CAMSAP2: variants seen among roughly 807,000 people sequenced by gnomAD.
CAMSAP2 encodes the protein calmodulin-regulated spectrin-associated protein 2.
CAMSAP2 carries 26 observed loss-of-function variants against 146.1 expected under a neutral mutation model. The observed-to-expected ratio is 0.18, with a 90% CI of 0.13 to 0.25. The LOEUF is 0.25. CAMSAP2 is among the 10% of genes least tolerant of loss of function. The pLI is 1.00. For missense variants in CAMSAP2, 1,381 were observed against 1,759.3 expected (o/e 0.78, Z 3.85); for synonymous variants, 499 against 596.6 (o/e 0.84, Z 2.38).
chr1:200,817,309 T>C (rs1210040312), intron 4 of CAMSAP2, among the ~76,000 whole-genome samples: 1 of 147,308 alleles, frequency 6.8e-6, no homozygotes, highest in African/African-American at 2.5e-5. Context: ...ATGTACAGTA[T>C]GGTTGTTCTG....
Position 200,832,403 on chromosome 1 carries a change from T to C in CAMSAP2, c.787+62T>C. Reference sequence around the variant, plus strand: ...AGATAGTAACCAATATTTAAGACAGTATTATTTTGCACTCCAGCCTAGGTG... The same window carrying C: ...AGATAGTAACCAATATTTAAGACAGCATTATTTTGCACTCCAGCCTAGGTG... On this transcript the variant is annotated intron_variant, in intron 5 of 16. Coordinates refer to ENST00000358823, the MANE Select transcript of CAMSAP2 (RefSeq NM_203459.4). This position sits in a 1 kb window ranked among gnomAD's most constrained non-coding sequence, Gnocchi z 4.2. 1 of 1,485,842 alleles carries C rather than the reference T, an allele frequency of 6.7e-7. No homozygotes were observed. Among genetic ancestry groups the C allele is most frequent in the Admixed American group, 2.2e-5 (1 of 44,624 alleles). The allele number at this position is 1,485,842 out of a possible 1,614,324, so 92.0% of individuals were successfully genotyped here.
At chr1:200,807,902 G>A (rs1017827474) in intron 3 of CAMSAP2, among the ~76,000 whole-genome samples, 4 of 151,810 alleles carry the variant, frequency 2.6e-5, no homozygotes, top group African/African-American at 7.3e-5. Flanking sequence ...CACCACACCC[G>A]GCTAATTTTT....
At chr1:200,747,281 A>G (rs989493422) in intron 1 of CAMSAP2, among the ~76,000 whole-genome samples, 4 of 152,218 alleles carry the variant, frequency 2.6e-5, no homozygotes, top group African/African-American at 9.6e-5. Flanking sequence ...GGCATAGGGT[A>G]ATTAGAAAGA....
At chr1:200,804,020 G>A (rs544121121) in intron 2 of CAMSAP2, among the ~76,000 whole-genome samples, 8 of 151,748 alleles carry the variant, frequency 5.3e-5, no homozygotes, top group African/African-American at 7.3e-5. Flanking sequence ...TCCACCTCCC[G>A]GGTTCATGCC....
chr1:200,806,128 T>C (rs1666164035), intron 2 of CAMSAP2, among the ~76,000 whole-genome samples: 1 of 152,322 alleles, frequency 6.6e-6, no homozygotes, highest in East Asian at 1.9e-4. Context: ...TTTAAAACTC[T>C]GCAACAAAAG....
rs1667068633 is a variant in CAMSAP2 at position 200,832,461 on chromosome 1, A to G, written c.787+120A>G. On this transcript the variant is annotated intron_variant, in intron 5 of 16. Transcript: ENST00000358823. The surrounding 1 kb of genome is among the most constrained non-coding windows in gnomAD (Gnocchi z 4.2). ...GGGACCCTGTCTCAAAAAAAAGACA[A>G]TATTATTTAATAAGTACTGAAGACT... 8 of 955,734 alleles carry G rather than the reference A, an allele frequency of 8.4e-6. No individual in the cohort carries two copies. The highest frequency in any genetic ancestry group is 1.2e-5 in the Non-Finnish European group (8 of 674,170). 59.2% of individuals were successfully genotyped at this position (955,734 alleles called of 1,614,324 possible). A position where few individuals can be genotyped will look rare whatever the true frequency, so the allele number is the denominator to read the frequency against.
In CAMSAP2 at chr1:200,816,750, G is replaced by A. The variant is rs112868717; in HGVS notation, c.645+1106G>A. ...TATATGTGTGTACACACACACGCGT[G>A]TATATATGTGTGTACACACACACGC... is the stretch of plus-strand genomic sequence containing the variant. On this transcript the variant is annotated intron_variant, in intron 4 of 16. Transcript: ENST00000358823. 6.0e-5 allele frequency among the ~76,000 whole-genome samples: 7 copies of A among 117,294 alleles called. 1 individual carries two copies. Among genetic ancestry groups the A allele is most frequent in the African/African-American group, 2.0e-4 (6 of 30,396 alleles). 76.9% of individuals were successfully genotyped at this position (117,294 alleles called of 152,430 possible). A position where few individuals can be genotyped will look rare whatever the true frequency, so the allele number is the denominator to read the frequency against.
Position 200,832,942 on chromosome 1 carries a change from TC to T in CAMSAP2, c.927+100del. The T allele has an allele frequency of 1.8e-6, 2 of 1,084,198 alleles. No homozygotes were observed. The highest frequency in any genetic ancestry group is 2.5e-6 in the Non-Finnish European group (2 of 793,582). 67.2% of individuals were successfully genotyped at this position (1,084,198 alleles called of 1,614,324 possible). A position where few individuals can be genotyped will look rare whatever the true frequency, so the allele number is the denominator to read the frequency against. Reference sequence around the variant, plus strand: ...CGGGAACAGTGGCTCATGCCTGTAATCCCAGTACTTTGGGAGGACAAGGTGG... The same window carrying T: ...CGGGAACAGTGGCTCATGCCTGTAATCCAGTACTTTGGGAGGACAAGGTGG... On this transcript the variant is annotated intron_variant, in intron 6 of 16. Coordinates refer to ENST00000358823, the MANE Select transcript of CAMSAP2 (RefSeq NM_203459.4). The surrounding 1 kb of genome is among the most constrained non-coding windows in gnomAD (Gnocchi z 4.2).
chr1:200,787,016 GAA>G (rs201620125), intron 2 of CAMSAP2, among the ~76,000 whole-genome samples: 3 of 133,910 alleles, frequency 2.2e-5, no homozygotes, highest in South Asian at 2.4e-4. Context: ...GACCTGCTCA[GAA>G]AAAAAAAAAA....
chr1:200,840,143 T>A (rs1292158609), intron 6 of CAMSAP2, among the ~76,000 whole-genome samples: 1 of 152,184 alleles, frequency 6.6e-6, no homozygotes, highest in Non-Finnish European at 1.5e-5. Context: ...ACAGGTCCAC[T>A]TAAATGTCCA....
rs144643340 is a variant in CAMSAP2 at position 200,830,674 on chromosome 1, T to A, written c.646-1526T>A. ...TCCCCATGGTTGATTTTAAGCTGTT[T>A]CTTAGCTGCAAAGTGAGGAATTTTC... On this transcript the variant is annotated intron_variant, in intron 4 of 16. Transcript: ENST00000358823. Among the ~76,000 whole-genome samples the A allele has an allele frequency of 1.2e-4, 18 of 152,372 alleles. No individual in the cohort carries two copies. The East Asian group carries it at 3.5e-3, about 29-fold the overall frequency.
At chr1:200,778,535 G>A (rs1665345167) in intron 2 of CAMSAP2, among the ~76,000 whole-genome samples, 1 of 151,984 alleles carries the variant, frequency 6.6e-6, no homozygotes, top group South Asian at 2.1e-4. Context: ...TTGACTTTTT[G>A]TTTCAGTTAA....
chr1:200,853,258 A>T lies in CAMSAP2; in HGVS notation c.3603-17A>T. The T allele has an allele frequency of 6.2e-7, 1 of 1,607,136 alleles. No individual in the cohort carries two copies. Among genetic ancestry groups the T allele is most frequent in the Non-Finnish European group, 8.5e-7 (1 of 1,175,382 alleles). ...TTTGGTATGCAGAATAAGAACTGTA[A>T]CCATTTGATTTCTTAGGCGTAAAAC... On this transcript the variant is annotated splice_polypyrimidine_tract_variant and intron_variant, in intron 12 of 16. Transcript: ENST00000358823. The surrounding 1 kb of genome is among the most constrained non-coding windows in gnomAD (Gnocchi z 5.1).
chr1:200,842,510 A>G lies in CAMSAP2; in HGVS notation c.1021+423A>G, dbSNP rs115087113. 2.5e-4 allele frequency among the ~76,000 whole-genome samples: 38 copies of G among 152,314 alleles called. 1 individual carries two copies. The highest frequency in any genetic ancestry group is 7.9e-4 in the African/African-American group (33 of 41,576). On this transcript the variant is annotated intron_variant, in intron 7 of 16. Transcript: ENST00000358823. ...TTTAAACCTAGTGGATTTTATGACT[A>G]TTATATCATGAACTATTGATTGTAC...
intron 2 of CAMSAP2, among the ~76,000 whole-genome samples, chr1:200,774,103 CA>C (rs201379723): frequency 0.011 from 1,597 of 152,052 alleles, 23 homozygotes; most frequent in African/African-American, 0.031. Context: ...GTGTGTTGAG[CA>C]GATTGATGCT....
intron 1 of CAMSAP2, among the ~76,000 whole-genome samples, chr1:200,750,749 C>T (rs1013106095): frequency 5.9e-5 from 9 of 151,672 alleles, no homozygotes; most frequent in East Asian, 1.9e-4. Flanking sequence ...CTCAGTCTCG[C>T]GAGTAGCTGG....
intron 9 of CAMSAP2, 28 bp downstream of exon 9, chr1:200,847,320 A>T (rs1363226581): frequency 6.7e-7 from 1 of 1,481,508 alleles, no homozygotes; most frequent in Admixed American, 1.8e-5. Context: ...GCCTAGGAAA[A>T]TACTCTTTTA....
At position 200,849,589 on chromosome 1, in the gene CAMSAP2, C is replaced by A. The variant is rs747244366; in HGVS notation, c.2820C>A (p.Gly940=). 20 of 1,614,216 alleles carry A rather than the reference C, an allele frequency of 1.2e-5. No homozygotes were observed. In the South Asian group the frequency reaches 2.0e-4, roughly 16 times the overall value. Residue 940 remains glycine, a synonymous_variant, in exon 11 of 17, where the codon GGC becomes GGA. Coordinates refer to ENST00000358823, the MANE Select transcript of CAMSAP2 (RefSeq NM_203459.4). The surrounding 1 kb of genome is among the most constrained non-coding windows in gnomAD (Gnocchi z 6.3). ...ATTTTAAGCCTTCTAAGCAGGCAGG[C>A]CTGTCATCAGCCATTGCACCATTCT... ...IRDFKPSKQA[G]LSSAIAPFSS...
At chr1:200,776,638 C>G (rs192792936) in intron 2 of CAMSAP2, among the ~76,000 whole-genome samples, 1 of 151,958 alleles carries the variant, frequency 6.6e-6, no homozygotes, top group Non-Finnish European at 1.5e-5. Context: ...GCAGGAGAAC[C>G]ACTTGAACCT....
Sources: allele counts gnomAD v4.1 joint callset (sites outside exome capture counted in the v4.1 genomes callset), GRCh38; gene constraint gnomAD v4.1.1; non-coding constraint Gnocchi (gnomAD v3.1); transcripts MANE v1.5; gene names NCBI Gene and HGNC (gene_info 2026-07-23, HGNC 2026-07-21).